The following AGBL4 variants were observed in gnomAD, a reference collection of about 807,000 sequenced individuals.
AGBL4 encodes cytosolic carboxypeptidase 6.
A neutral mutation model predicts 66.4 loss-of-function variants in AGBL4; 58 were observed. That is an observed-to-expected ratio of 0.87 (90% confidence interval 0.71 to 1.09). The LOEUF is 1.09. Ranked by LOEUF, AGBL4 falls within the 50% of genes least tolerant of loss-of-function variation. AGBL4 has a pLI of 0.00. For missense variants in AGBL4, 579 were observed against 631.0 expected (o/e 0.92, Z 0.88); for synonymous variants, 234 against 222.9 (o/e 1.05, Z -0.44).
At chr1:48,863,565 T>G (rs1423520556) in intron 6 of AGBL4, among the ~76,000 whole-genome samples, 2 of 152,052 alleles carry the variant, frequency 1.3e-5, no homozygotes, top group Non-Finnish European at 2.9e-5. Flanking sequence ...ATATGAAAAT[T>G]AGAATTTATT....
At chr1:49,027,385 A>T (rs1189440850) in intron 5 of AGBL4, among the ~76,000 whole-genome samples, 2 of 151,386 alleles carry the variant, frequency 1.3e-5, no homozygotes. Context: ...CTAGTCTCAA[A>T]CTCCTGACCT....
chr1:49,783,155 T>G (rs1644375690), intron 2 of AGBL4, among the ~76,000 whole-genome samples: 1 of 152,132 alleles, frequency 6.6e-6, no homozygotes, highest in Non-Finnish European at 1.5e-5. Flanking sequence ...AGCAACCCAG[T>G]CTATGGTATT....
chr1:49,806,621 AG>A (rs2147960536), intron 2 of AGBL4, among the ~76,000 whole-genome samples: 1 of 152,388 alleles, frequency 6.6e-6, no homozygotes, highest in South Asian at 2.1e-4. Context: ...GGTGTAACCA[AG>A]TGAACATTTG....
At chr1:48,573,706 A>G (rs1644605176) in intron 11 of AGBL4, among the ~76,000 whole-genome samples, 1 of 152,200 alleles carries the variant, frequency 6.6e-6, no homozygotes, top group Non-Finnish European at 1.5e-5. Context: ...CCTTCATGGA[A>G]GTTTCCATGA....
chr1:49,106,565 A>G (rs1645297381), intron 4 of AGBL4, among the ~76,000 whole-genome samples: 1 of 152,176 alleles, frequency 6.6e-6, no homozygotes, highest in Non-Finnish European at 1.5e-5. Context: ...CCCTAGGCAT[A>G]GTTCACTGAA....
At chr1:48,927,236 A>T (rs1390543451) in intron 5 of AGBL4, among the ~76,000 whole-genome samples, 1 of 152,172 alleles carries the variant, frequency 6.6e-6, no homozygotes, top group African/African-American at 2.4e-5. Flanking sequence ...ATGGGCTAAC[A>T]GTTCCACGTG....
chr1:49,359,623 T>C (rs1051663308), intron 3 of AGBL4, among the ~76,000 whole-genome samples: 1 of 152,166 alleles, frequency 6.6e-6, no homozygotes, highest in African/African-American at 2.4e-5. Flanking sequence ...CAGACATCAG[T>C]ATGTCTCCAC....
At chr1:49,609,073 T>C (rs1252662023) in intron 3 of AGBL4, among the ~76,000 whole-genome samples, 1 of 152,162 alleles carries the variant, frequency 6.6e-6, no homozygotes, top group African/African-American at 2.4e-5. Flanking sequence ...TTCTGCTACA[T>C]TACATTGTCT....
At chr1:49,855,154 C>CAAATACAAATACAA (rs1646401717) in intron 1 of AGBL4, among the ~76,000 whole-genome samples, 1 of 152,028 alleles carries the variant, frequency 6.6e-6, no homozygotes, top group South Asian at 2.1e-4. Flanking sequence ...AATGAACTAA[C>CAAATACAAATACAA]ACAAATACAA....
intron 4 of AGBL4, among the ~76,000 whole-genome samples, chr1:49,130,846 T>C (rs560409264): frequency 2.0e-5 from 3 of 152,254 alleles, no homozygotes; most frequent in African/African-American, 7.2e-5. Flanking sequence ...TCCAATTCTG[T>C]GAAGAAAGTC....
chr1:49,506,955 T>C (rs542510953), intron 3 of AGBL4, among the ~76,000 whole-genome samples: 2 of 152,120 alleles, frequency 1.3e-5, no homozygotes, highest in East Asian at 1.9e-4. Flanking sequence ...CACACCCTTA[T>C]GTACTCCTCT....
At chr1:49,111,270 G>A (rs560631490) in intron 4 of AGBL4, among the ~76,000 whole-genome samples, 10 of 152,090 alleles carry the variant, frequency 6.6e-5, no homozygotes, top group African/African-American at 1.9e-4. Flanking sequence ...CTGCCACCAC[G>A]CCCGGCTAAT....
chr1:49,337,208 C>T (rs1178268358), intron 3 of AGBL4, among the ~76,000 whole-genome samples: 11 of 152,148 alleles, frequency 7.2e-5, no homozygotes, highest in African/African-American at 2.4e-4. Flanking sequence ...GTCATAAGGA[C>T]CAAATGAGAT....
chr1:49,257,679 C>T (rs1036551706), intron 3 of AGBL4, among the ~76,000 whole-genome samples: 30 of 152,236 alleles, frequency 2.0e-4, no homozygotes, highest in African/African-American at 7.0e-4. Context: ...CACCCACTGT[C>T]CTGCGCCCAC....
intron 4 of AGBL4, chr1:49,187,678 C>A (rs1421426047): frequency 1.3e-5 from 2 of 152,162 alleles, no homozygotes; most frequent in Non-Finnish European, 2.9e-5. Context: ...AAGTCAAAAT[C>A]ATCAGGGAAT....
chr1:49,818,954 G>A (rs950011953), intron 2 of AGBL4, among the ~76,000 whole-genome samples: 20 of 152,140 alleles, frequency 1.3e-4, no homozygotes, highest in African/African-American at 4.3e-4. Context: ...CCAGGCCTTT[G>A]ATTTGACTAA....
chr1:49,884,303 G>T (rs555573451), intron 1 of AGBL4, among the ~76,000 whole-genome samples: 1 of 151,852 alleles, frequency 6.6e-6, no homozygotes, highest in South Asian at 2.1e-4. Context: ...TGTTCTGAAG[G>T]TTATGTAAAA....
At chr1:49,305,634 C>A (rs1644835665) in intron 3 of AGBL4, among the ~76,000 whole-genome samples, 1 of 151,690 alleles carries the variant, frequency 6.6e-6, no homozygotes, top group Admixed American at 6.6e-5. Context: ...CAACAGTTAC[C>A]TGATTGTGTA....
chr1:49,845,081 G>A (rs1034126912), intron 2 of AGBL4: 6 of 1,452,118 alleles, frequency 4.1e-6, no homozygotes, highest in Non-Finnish European at 5.7e-6. Context: ...CCCTACAAAT[G>A]TCAGGAATGC....
Sources: gnomAD v4.1 joint callset for allele counts (sites outside exome capture counted in the v4.1 genomes callset) on GRCh38, gnomAD v4.1.1 for gene constraint, MANE v1.5 for transcripts, NCBI Gene and HGNC (gene_info 2026-07-23, HGNC 2026-07-21) for gene names.